KDSR: variants seen among roughly 807,000 people sequenced by gnomAD.
KDSR encodes the protein 3-dehydrosphinganine reductase.
Under a neutral mutation model 41.3 loss-of-function variants are expected in KDSR, and 23 were observed. The ratio of observed to expected loss-of-function variants is 0.56; its 90% confidence interval spans 0.40 to 0.79. The LOEUF is 0.79. Among genes scored for constraint, KDSR ranks in the 30% least tolerant of loss-of-function variants. KDSR has a pLI of 0.00. For synonymous variants in KDSR, 138 were observed against 151.7 expected, an observed-to-expected ratio of 0.91 and a Z score of 0.66; for missense variants, 351 against 416.8, an observed-to-expected ratio of 0.84 and a Z score of 1.37.
intron 9 of KDSR, 45 bp from the exon 10 acceptor site, chr18:63,331,946 A>C: frequency 6.3e-7 from 1 of 1,598,774 alleles, no homozygotes; most frequent in East Asian, 2.2e-5. Context: ...ACGGTACAAG[A>C]CTATTTCAAG....
intron 1 of KDSR, among the ~76,000 whole-genome samples, chr18:63,364,679 A>G (rs1414752046): frequency 6.6e-6 from 1 of 152,080 alleles, no homozygotes; most frequent in Non-Finnish European, 1.5e-5. Flanking sequence ...CCTGACCTCA[A>G]GTTATGCACT....
chr18:63,340,925 G>C (rs796975945), intron 7 of KDSR, among the ~76,000 whole-genome samples: 25 of 152,298 alleles, frequency 1.6e-4, no homozygotes, highest in African/African-American at 6.0e-4. Flanking sequence ...AACACAGACA[G>C]CAAGTCTTAC....
At position 63,351,051 on chromosome 18, in the gene KDSR, C is replaced by CT; in HGVS notation, c.445dup (p.Ser149LysfsTer60). On this transcript the variant is annotated frameshift_variant, in exon 6 of 10. Transcript: ENST00000645214. LOFTEE classifies it high-confidence loss of function. Reference sequence around the variant, plus strand: ...GATCACGGCCCGGCTGGGGTACACGCTGCCCAGGTAATTGATGCTCATTAA... The same window carrying CT: ...GATCACGGCCCGGCTGGGGTACACGCTTGCCCAGGTAATTGATGCTCATTAA... 6.2e-7 allele frequency: 1 copy of CT among 1,613,940 alleles called. No individual in the cohort carries two copies. The highest frequency in any genetic ancestry group is 8.5e-7 in the Non-Finnish European group (1 of 1,179,916).
At chr18:63,359,178 C>CAAAAAAAAAAAAAAAAAAAAAAAAAAA (rs74169959) in intron 3 of KDSR, among the ~76,000 whole-genome samples, 1 of 37,108 alleles carries the variant, frequency 2.7e-5, no homozygotes, top group Non-Finnish European at 5.4e-5. Context: ...GACACTGCCT[C>CAAAAAAAAAAAAAAAAAAAAAAAAAAA]AAAAAAAAAA....
chr18:63,366,118 G>C (rs1915128640), intron 1 of KDSR: 1 of 152,188 alleles, frequency 6.6e-6, no homozygotes, highest in South Asian at 2.1e-4. Context: ...GAGAATGCTC[G>C]TGAGAAAGCC....
At chr18:63,343,875 T>C (rs1464855723) in intron 7 of KDSR, among the ~76,000 whole-genome samples, 2 of 152,118 alleles carry the variant, frequency 1.3e-5, no homozygotes, top group East Asian at 3.8e-4. Context: ...CATACTTCTT[T>C]GATAAAAATG....
In KDSR at chr18:63,344,493, C is replaced by T. The variant is rs758516208; in HGVS notation, c.610G>A (p.Val204Met). Residue 204 changes from valine (V) to methionine (M), a missense_variant and splice_region_variant, in exon 7 of 10, where the codon GTG becomes ATG. Transcript: ENST00000645214. ...GTGATGTAGACATTATATGGCTTCA[C>T]CTGCATTTCAAAACAACACGTGTAC... ...RGLAEALQME[V>M]KPYNVYITVA... 1 of 1,611,966 alleles carries T rather than the reference C, an allele frequency of 6.2e-7. No individual in the cohort carries two copies. Among genetic ancestry groups the T allele is most frequent in the Non-Finnish European group, 8.5e-7 (1 of 1,178,092 alleles).
Position 63,355,534 on chromosome 18 carries a change from A to G in KDSR, c.285T>C (p.Ser95=), listed in dbSNP as rs2144371410. The G allele has an allele frequency of 5.0e-6, 8 of 1,603,846 alleles. No individual in the cohort carries two copies. The highest frequency in any genetic ancestry group is 1.7e-4 in the Middle Eastern group (1 of 6,000). ...QVVLCISVDV[S]QDYNQVENVI... The stretch of plus-strand genomic sequence containing the variant: ...CATTCTCTACTTGGTTATAGTCTTG[A>G]GATACATCAACTGATATGCAAAGCA... The change falls in exon 4 of 10, where the codon TCT becomes TCC. Residue 95 remains serine, a synonymous_variant. Transcript: ENST00000645214.
chr18:63,361,590 G>A (rs1914988357), intron 2 of KDSR, among the ~76,000 whole-genome samples: 1 of 152,130 alleles, frequency 6.6e-6, no homozygotes, highest in Non-Finnish European at 1.5e-5. Context: ...GCCAAGGCGG[G>A]CGGATCACAA....
chr18:63,359,074 G>A (rs146373670), intron 3 of KDSR, among the ~76,000 whole-genome samples: 1 of 149,620 alleles, frequency 6.7e-6, no homozygotes, highest in Non-Finnish European at 1.5e-5. Context: ...AGCTACTAGG[G>A]AGGCTGAGGT....
intron 6 of KDSR, among the ~76,000 whole-genome samples, chr18:63,348,323 TAAAA>T (rs11335269): frequency 2.2e-5 from 3 of 138,186 alleles, no homozygotes; most frequent in South Asian, 2.3e-4. Flanking sequence ...AAATAAAAAT[TAAAA>T]AAAAAAAAAA....
intron 1 of KDSR, among the ~76,000 whole-genome samples, chr18:63,364,534 C>G (rs1229504280): frequency 6.6e-6 from 1 of 152,028 alleles, no homozygotes; most frequent in Non-Finnish European, 1.5e-5. Flanking sequence ...ACCTCCGCCT[C>G]CCAGGTTCAA....
At chr18:63,347,658 C>A (rs1263021731) in intron 6 of KDSR, among the ~76,000 whole-genome samples, 1 of 152,020 alleles carries the variant, frequency 6.6e-6, no homozygotes, top group Non-Finnish European at 1.5e-5. Context: ...TACTTTCAGA[C>A]CACAGAAGGA....
chr18:63,353,387 A>C (rs539038313), intron 5 of KDSR, among the ~76,000 whole-genome samples: 60 of 152,302 alleles, frequency 3.9e-4, no homozygotes, highest in African/African-American at 1.4e-3. Context: ...AGGAGGGATA[A>C]CTAACTTAGC....
intron 3 of KDSR, among the ~76,000 whole-genome samples, chr18:63,359,299 G>A (rs1297987811): frequency 2.0e-5 from 3 of 151,968 alleles, no homozygotes; most frequent in Non-Finnish European, 4.4e-5. Context: ...GGCTGCTGTG[G>A]GGGCTTCAGA....
In KDSR at chr18:63,331,280, GAGAGACAGAGAGAC is replaced by G. The variant is rs763398984; in HGVS notation, c.*488_*501del. ...ACAAAGAAAGAAAGAGAGAGAGAGA[GAGAGACAGAGAGAC>G]AGAGAGACAGAGAGACAGAGAGACA... On this transcript the variant is annotated 3_prime_UTR_variant, in exon 10 of 10. Transcript: ENST00000645214. The G allele has an allele frequency of 0.018, 836 of 46,978 alleles. 2 individuals are homozygous for G. The highest frequency in any genetic ancestry group is 0.03 in the Non-Finnish European group (658 of 21,986). 2.9% of individuals were successfully genotyped at this position (46,978 alleles called of 1,614,324 possible).
intron 3 of KDSR, 97 bp downstream of exon 3, chr18:63,359,639 C>A: frequency 1.2e-6 from 1 of 810,128 alleles, no homozygotes; most frequent in Admixed American, 1.8e-5. Context: ...TACATATATG[C>A]TTTCAATTAA....
chr18:63,362,853 T>C lies in KDSR; in HGVS notation c.124A>G (p.Ser42Gly). Residue 42 changes from serine to glycine, a missense_variant, in exon 2 of 10, where the codon AGT (serine) becomes GGT (glycine). Transcript: ENST00000645214. Reference protein sequence around the residue: ...GAHVVVTGGSSGIGKCIAIEC... With the variant: ...GAHVVVTGGSGGIGKCIAIEC... ...ATAGCAATGCACTTCCCGATGCCAC[T>C]GGAACCTCCTGTAACCTAAAACAAA... 2 of 1,612,312 alleles carry C rather than the reference T, an allele frequency of 1.2e-6. No individual in the cohort carries two copies. The highest frequency in any genetic ancestry group is 8.5e-7 in the Non-Finnish European group (1 of 1,178,390).
At chr18:63,366,622 T>A (rs1057028196) in intron 1 of KDSR, 1 of 164,612 alleles carries the variant, frequency 6.1e-6, no homozygotes, top group Non-Finnish European at 1.3e-5. Flanking sequence ...GACCGCTGTG[T>A]CCTTGGCAAA....
Sources: gnomAD v4.1 joint callset for allele counts (sites outside exome capture counted in the v4.1 genomes callset) on GRCh38, gnomAD v4.1.1 for gene constraint, MANE v1.5 for transcripts, NCBI Gene and HGNC (gene_info 2026-07-23, HGNC 2026-07-21) for gene names.